MSI2: variants seen among roughly 807,000 people sequenced by gnomAD.
MSI2 encodes musashi RNA binding protein 2.
Under a neutral mutation model 45.6 loss-of-function variants are expected in MSI2, and 17 were observed. That is an observed-to-expected ratio of 0.37 (90% confidence interval 0.26 to 0.56). The LOEUF is 0.56. Ranked by LOEUF, MSI2 falls within the 20% of genes least tolerant of loss-of-function variation. MSI2 has a pLI of 0.77. For synonymous variants in MSI2, 156 were observed against 158.2 expected (o/e 0.99, Z 0.11); for missense variants, 293 against 444.2 (o/e 0.66, Z 3.06).
chr17:57,281,229 A>G (rs1909389839), intron 5 of MSI2, among the ~76,000 whole-genome samples: 1 of 152,206 alleles, frequency 6.6e-6, no homozygotes. Context: ...TAGAGGGCTG[A>G]AGGCCATAGT....
intron 6 of MSI2, among the ~76,000 whole-genome samples, chr17:57,513,699 C>A (rs1036253203): frequency 6.6e-6 from 1 of 152,220 alleles, no homozygotes; most frequent in Non-Finnish European, 1.5e-5. Flanking sequence ...GAGCCTCACC[C>A]CCCTCCCGGG....
intron 6 of MSI2, among the ~76,000 whole-genome samples, chr17:57,411,518 A>G (rs923059471): frequency 1.3e-5 from 2 of 152,118 alleles, no homozygotes; most frequent in African/African-American, 4.8e-5. Flanking sequence ...AATTATCCCT[A>G]TTTTAAAATT....
intron 6 of MSI2, among the ~76,000 whole-genome samples, chr17:57,479,435 G>T (rs2085605880): frequency 6.6e-6 from 1 of 152,190 alleles, no homozygotes; most frequent in Non-Finnish European, 1.5e-5. Context: ...CAGTGTTCCT[G>T]ATTGCTTCTT....
intron 6 of MSI2, among the ~76,000 whole-genome samples, chr17:57,515,771 T>C (rs73991843): frequency 1.1e-4 from 17 of 152,356 alleles, no homozygotes; most frequent in African/African-American, 4.1e-4. Flanking sequence ...ATATTTCTAC[T>C]GTATGCCTAC....
chr17:57,632,151 T>C, intron 10 of MSI2: 7 of 1,197,802 alleles, frequency 5.8e-6, no homozygotes, highest in Non-Finnish European at 7.3e-6. Flanking sequence ...CAGGGGAAGC[T>C]AGGAAGAAGA....
intron 8 of MSI2, among the ~76,000 whole-genome samples, chr17:57,600,216 G>A (rs1337419544): frequency 6.6e-6 from 1 of 152,246 alleles, no homozygotes; most frequent in East Asian, 1.9e-4. Context: ...AATGTGCATA[G>A]GAGTGTTTCA....
chr17:57,677,167 C>G, intron 13 of MSI2, 108 bp downstream of exon 13: 1 of 769,228 alleles, frequency 1.3e-6, no homozygotes, highest in Non-Finnish European at 2.3e-6. Context: ...ATCCACATCT[C>G]TCTCTCCTCT....
In MSI2 at chr17:57,419,859, G is replaced by T. The variant is rs181763938; in HGVS notation, c.405+18388G>T. On this transcript the variant is annotated intron_variant, in intron 6 of 13. Coordinates refer to ENST00000284073, the MANE Select transcript of MSI2 (RefSeq NM_138962.4). ...CTTCGGTCAGGACGCCGTGGACCCT[G>T]GCTGGGCCTGCTTCTGCCCCTGAGT... Among the ~76,000 whole-genome samples the T allele has an allele frequency of 1.3e-3, 191 of 152,334 alleles. 2 individuals carry two copies. Among genetic ancestry groups the T allele is most frequent in the African/African-American group, 4.4e-3 (184 of 41,576 alleles).
At chr17:57,685,029 G>T (rs922482790), downstream of MSI2, among the ~76,000 whole-genome samples, 5 of 152,140 alleles carry the variant, frequency 3.3e-5, no homozygotes, top group Admixed American at 2.0e-4. Flanking sequence ...GAGCTAAGGG[G>T]CCCTCCCGGG....
intron 10 of MSI2, among the ~76,000 whole-genome samples, chr17:57,639,029 C>T (rs1222749074): frequency 6.6e-6 from 1 of 152,206 alleles, no homozygotes; most frequent in African/African-American, 2.4e-5. Context: ...TTTTCTTGCT[C>T]TGTCCTTTCA....
chr17:57,258,416 C>A, intron 4 of MSI2, 62 bp downstream of exon 4: 1 of 1,365,284 alleles, frequency 7.3e-7, no homozygotes, highest in Non-Finnish European at 1.0e-6. Flanking sequence ...CATTGACAGC[C>A]CCATTTAAAG....
intron 5 of MSI2, among the ~76,000 whole-genome samples, chr17:57,299,331 G>A (rs182914983): frequency 6.6e-6 from 1 of 152,252 alleles, no homozygotes; most frequent in Admixed American, 6.5e-5. Flanking sequence ...CATCTTGGCT[G>A]TATGGTGTAA....
chr17:57,350,370 G>T (rs1021433829), intron 5 of MSI2, among the ~76,000 whole-genome samples: 4 of 152,068 alleles, frequency 2.6e-5, no homozygotes, highest in African/African-American at 7.2e-5. Flanking sequence ...ATGTTTATTT[G>T]TCCTGCATGA....
At chr17:57,641,404 T>G (rs1337879904) in intron 10 of MSI2, among the ~76,000 whole-genome samples, 2 of 151,924 alleles carry the variant, frequency 1.3e-5, no homozygotes, top group Non-Finnish European at 2.9e-5. Context: ...CCACGTGACA[T>G]GAAGCTGGGG....
chr17:57,333,004 G>A (rs1055923704), intron 5 of MSI2, among the ~76,000 whole-genome samples: 9 of 151,746 alleles, frequency 5.9e-5, no homozygotes, highest in African/African-American at 2.2e-4. Flanking sequence ...CAGCCTGGGC[G>A]ACAGAGCGAG....
intron 7 of MSI2, among the ~76,000 whole-genome samples, chr17:57,560,426 C>T (rs2087546419): frequency 6.6e-6 from 1 of 152,198 alleles, no homozygotes; most frequent in Admixed American, 6.5e-5. Context: ...TGGGGATTTA[C>T]AAGGTCTGCT....
intron 5 of MSI2, among the ~76,000 whole-genome samples, chr17:57,308,004 A>C (rs372289221): frequency 6.6e-6 from 1 of 152,224 alleles, no homozygotes; most frequent in East Asian, 1.9e-4. Context: ...TGCTCAGTCA[A>C]TGCATGAAGA....
chr17:57,465,216 C>G, intron 6 of MSI2, among the ~76,000 whole-genome samples: 1 of 152,106 alleles, frequency 6.6e-6, no homozygotes, highest in Non-Finnish European at 1.5e-5. Context: ...AATCCCAGTA[C>G]TTTGAGAAGC....
At chr17:57,381,566 T>C (rs762706061) in intron 5 of MSI2, among the ~76,000 whole-genome samples, 3 of 152,238 alleles carry the variant, frequency 2.0e-5, no homozygotes, top group South Asian at 2.1e-4. Context: ...AGGTTACATA[T>C]TGAGGACAAG....
Sources: gnomAD v4.1 joint callset for allele counts (sites outside exome capture counted in the v4.1 genomes callset) on GRCh38, gnomAD v4.1.1 for gene constraint, MANE v1.5 for transcripts, NCBI Gene and HGNC (gene_info 2026-07-23, HGNC 2026-07-21) for gene names.